ROBO2: variants seen among roughly 807,000 people sequenced by gnomAD.
ROBO2 encodes roundabout guidance receptor 2, also known as roundabout homolog 2.
ROBO2 carries 53 observed loss-of-function variants against 160.8 expected under a neutral mutation model. The observed-to-expected ratio is 0.33, with a 90% CI of 0.26 to 0.41. ROBO2 has a LOEUF of 0.41. Ranked by LOEUF, ROBO2 falls within the 10% of genes least tolerant of loss-of-function variation. ROBO2 has a pLI of 1.00. For synonymous variants in ROBO2, 664 were observed against 611.7 expected, an observed-to-expected ratio of 1.09 and a Z score of -1.26; for missense variants, 1,577 against 1,722.4, an observed-to-expected ratio of 0.92 and a Z score of 1.49.
intron 2 of ROBO2, among the ~76,000 whole-genome samples, chr3:76,609,151 T>C (rs2087884867): frequency 6.6e-6 from 1 of 152,260 alleles, no homozygotes; most frequent in Admixed American, 6.5e-5. Context: ...GGCACCTTTG[T>C]TGAAAATGAG....
chr3:76,006,517 C>T (rs1174040524), intron 2 of ROBO2, among the ~76,000 whole-genome samples: 1 of 152,138 alleles, frequency 6.6e-6, no homozygotes, highest in African/African-American at 2.4e-5. Flanking sequence ...TAGCTATTTA[C>T]CTATCCTTCT....
chr3:76,562,726 C>A (rs981197672), intron 2 of ROBO2, among the ~76,000 whole-genome samples: 1 of 152,096 alleles, frequency 6.6e-6, no homozygotes, highest in Admixed American at 6.6e-5. Context: ...TTTGTCATGT[C>A]TTTCTTTATA....
intron 2 of ROBO2, among the ~76,000 whole-genome samples, chr3:76,961,247 GAAAAAAAAA>G (rs371889909): frequency 1.8e-5 from 1 of 54,448 alleles, no homozygotes; most frequent in Non-Finnish European, 4.3e-5. Context: ...GTGCCACAGA[GAAAAAAAAA>G]AAAAAAAAAA....
intron 2 of ROBO2, among the ~76,000 whole-genome samples, chr3:76,191,510 T>G (rs1408469866): frequency 8.0e-6 from 1 of 125,490 alleles, no homozygotes; most frequent in Non-Finnish European, 1.8e-5. Context: ...TGTCAGAATA[T>G]GTCTTAGCCC....
rs139693004 is a variant in ROBO2, at chr3:77,114,587, T to A, written c.388+16247T>A. ...CCTCGTTCACCTTGTGACCATGTAA[T>A]TAAGTCATTTTTCTTTTCCAATCAG... On this transcript the variant is annotated intron_variant, in intron 2 of 25. Coordinates refer to ENST00000461745, the Ensembl canonical transcript of ROBO2. Among the ~76,000 whole-genome samples, 430 of 152,276 alleles carry A rather than the reference T, an allele frequency of 2.8e-3. 3 individuals are homozygous for A. Among genetic ancestry groups the A allele is most frequent in the African/African-American group, 9.9e-3 (411 of 41,562 alleles).
At chr3:77,496,345 C>T (rs1029097586) in intron 5 of ROBO2, among the ~76,000 whole-genome samples, 4 of 152,106 alleles carry the variant, frequency 2.6e-5, no homozygotes, top group Non-Finnish European at 5.9e-5. Flanking sequence ...CTTGAATTCC[C>T]AGTCTTTAAG....
intron 2 of ROBO2, among the ~76,000 whole-genome samples, chr3:76,679,099 A>G (rs1474422399): frequency 9.2e-6 from 1 of 108,640 alleles, no homozygotes; most frequent in African/African-American, 3.8e-5. Flanking sequence ...CAGAACTTTA[A>G]CAGAGCTTTT....
At chr3:76,354,581 T>G (rs2108316506) in intron 2 of ROBO2, among the ~76,000 whole-genome samples, 1 of 151,966 alleles carries the variant, frequency 6.6e-6, no homozygotes, top group Non-Finnish European at 1.5e-5. Flanking sequence ...AAGTTATATA[T>G]AAAACCAGTA....
At position 76,889,677 on chromosome 3, in the gene ROBO2, T is replaced by A. The variant is rs1302424620; in HGVS notation, c.110-208337T>A. Among the ~76,000 whole-genome samples, 5 of 152,132 alleles carry A rather than the reference T, an allele frequency of 3.3e-5. No individual in the cohort carries two copies. The East Asian group carries it at 9.6e-4, about 29-fold the overall frequency. On this transcript the variant is annotated intron_variant, in intron 2 of 26. Transcript: ENST00000487694. The stretch of plus-strand genomic sequence containing the variant: ...AGAAGAAAACCATTAAAATCCCCTG[T>A]GTGGATTACACTTTGCTAAGGAAGA...
intron 2 of ROBO2, among the ~76,000 whole-genome samples, chr3:76,106,321 G>A (rs553743359): frequency 8.8e-4 from 134 of 152,138 alleles, no homozygotes; most frequent in African/African-American, 2.0e-3. Context: ...CTCAATCTGC[G>A]TGATATTATA....
chr3:76,240,569 C>T (rs1705223956), intron 2 of ROBO2, among the ~76,000 whole-genome samples: 1 of 152,088 alleles, frequency 6.6e-6, no homozygotes. Flanking sequence ...CTAGAATAAT[C>T]TAAGTGCTAT....
intron 1 of ROBO2, among the ~76,000 whole-genome samples, chr3:77,088,443 T>C (rs184680779): frequency 6.6e-6 from 1 of 152,184 alleles, no homozygotes; most frequent in African/African-American, 2.4e-5. Flanking sequence ...ATGTACAGGT[T>C]TGTTACGTAG....
rs139541903 is a variant in ROBO2 at position 76,650,305 on chromosome 3, G to T, written c.110-447709G>T. ...TCACCTTGTTTAAAGGTAGAACATTGCATCACTTTGGGAGGAGACAGCGTG... is the reference window on the plus strand; with the variant it reads ...TCACCTTGTTTAAAGGTAGAACATTTCATCACTTTGGGAGGAGACAGCGTG... On this transcript the variant is annotated intron_variant, in intron 2 of 26. Coordinates refer to the ROBO2 transcript ENST00000487694. Among the ~76,000 whole-genome samples, 57 of 152,202 alleles carry T rather than the reference G, an allele frequency of 3.7e-4. 2 individuals carry two copies. In the East Asian group the frequency reaches 9.3e-3, roughly 25 times the overall value.
chr3:76,731,947 A>G (rs531610703), intron 2 of ROBO2, among the ~76,000 whole-genome samples: 4 of 152,294 alleles, frequency 2.6e-5, no homozygotes, highest in African/African-American at 9.6e-5. Context: ...CTATGAGCCA[A>G]TATTGCAACA....
chr3:76,939,056 A>G (rs1252968657), intron 2 of ROBO2, among the ~76,000 whole-genome samples: 1 of 151,928 alleles, frequency 6.6e-6, no homozygotes, highest in African/African-American at 2.4e-5. Context: ...GAACATATTC[A>G]GCCAACAGAG....
At chr3:76,411,787 T>C (rs1197457572) in intron 2 of ROBO2, among the ~76,000 whole-genome samples, 1 of 152,202 alleles carries the variant, frequency 6.6e-6, no homozygotes, top group Non-Finnish European at 1.5e-5. Flanking sequence ...GCAGTGATAA[T>C]ACTGATGAAT....
At chr3:76,886,796 G>A (rs969013702) in intron 2 of ROBO2, among the ~76,000 whole-genome samples, 2 of 152,024 alleles carry the variant, frequency 1.3e-5, no homozygotes, top group African/African-American at 4.8e-5. Flanking sequence ...AGACTAGAGA[G>A]GAAGGAGAAG....
chr3:77,549,756 G>T (rs1050546254), intron 7 of ROBO2, among the ~76,000 whole-genome samples: 1 of 151,890 alleles, frequency 6.6e-6, no homozygotes, highest in Non-Finnish European at 1.5e-5. Flanking sequence ...TTACTTCAAG[G>T]GTAAAAACAT....
At chr3:76,212,682 T>C (rs1352418696) in intron 2 of ROBO2, among the ~76,000 whole-genome samples, 1 of 152,160 alleles carries the variant, frequency 6.6e-6, no homozygotes, top group African/African-American at 2.4e-5. Flanking sequence ...TAATTAATTC[T>C]GATTCATCAT....
Sources: allele counts gnomAD v4.1 joint callset (sites outside exome capture counted in the v4.1 genomes callset), GRCh38; gene constraint gnomAD v4.1.1; transcripts MANE v1.5; gene names NCBI Gene and HGNC (gene_info 2026-07-23, HGNC 2026-07-21).